PCDH7: variants seen among roughly 807,000 people sequenced by gnomAD.
PCDH7 encodes protocadherin-7.
In PCDH7, 17 loss-of-function variants were observed where a neutral mutation model predicts 58.9. That is an observed-to-expected ratio of 0.29 (90% CI 0.20 to 0.43). The LOEUF is 0.43. Ranked by LOEUF, PCDH7 falls within the 20% of genes least tolerant of loss-of-function variation. PCDH7 has a pLI of 1.00. For synonymous variants in PCDH7, 664 were observed against 616.4 expected (o/e 1.08, Z -1.14); for missense variants, 1,274 against 1,441.0 (o/e 0.88, Z 1.88).
intron 3 of PCDH7, among the ~76,000 whole-genome samples, chr4:30,975,235 A>T (rs919830800): frequency 6.6e-6 from 1 of 150,600 alleles, no homozygotes; most frequent in African/African-American, 2.4e-5. Context: ...GGAAGGTTTA[A>T]ATTTCAATGA....
chr4:31,023,654 T>A (rs1278673555), intron 3 of PCDH7, among the ~76,000 whole-genome samples: 1 of 152,196 alleles, frequency 6.6e-6, no homozygotes, highest in African/African-American at 2.4e-5. Context: ...GCTCTCCTAC[T>A]TTCATGTAAG....
In PCDH7 at chr4:30,758,110, G is replaced by A. The variant is rs544957508; in HGVS notation, c.70+33514G>A. On this transcript the variant is annotated intron_variant, in intron 1 of 3. Coordinates refer to the PCDH7 transcript ENST00000509759. ...GACAATGTAGGGAGTTCTGAGGACC[G>A]TGAGGGCTGCAATTAGCTATCAAGA... Among the ~76,000 whole-genome samples the A allele has an allele frequency of 1.2e-3, 190 of 152,276 alleles. 1 individual carries two copies. The highest frequency in any genetic ancestry group is 1.8e-3 in the Non-Finnish European group (122 of 68,016).
At chr4:31,070,875 A>G (rs529432518) in intron 3 of PCDH7, among the ~76,000 whole-genome samples, 1 of 152,242 alleles carries the variant, frequency 6.6e-6, no homozygotes, top group East Asian at 1.9e-4. Flanking sequence ...AAATATAGGT[A>G]TTTGTTAATG....
chr4:31,011,015 C>T (rs562683053), intron 3 of PCDH7, among the ~76,000 whole-genome samples: 13 of 152,048 alleles, frequency 8.5e-5, no homozygotes, highest in African/African-American at 3.1e-4. Context: ...CAATAGCAGA[C>T]TTCTTTCTTG....
At chr4:30,889,342 A>C (rs910911765) in intron 1 of PCDH7, among the ~76,000 whole-genome samples, 10 of 147,602 alleles carry the variant, frequency 6.8e-5, no homozygotes, top group Non-Finnish European at 1.4e-4. Flanking sequence ...TTACAAAAAT[A>C]ATAATAATAA....
At chr4:31,118,371 G>C (rs779632376) in intron 3 of PCDH7, among the ~76,000 whole-genome samples, 1 of 152,042 alleles carries the variant, frequency 6.6e-6, no homozygotes, top group Non-Finnish European at 1.5e-5. Flanking sequence ...TCTTCTTGTG[G>C]AATATTAAAC....
chr4:30,957,550 A>G (rs528705690), intron 3 of PCDH7, among the ~76,000 whole-genome samples: 1 of 152,254 alleles, frequency 6.6e-6, no homozygotes, highest in East Asian at 1.9e-4. Context: ...ATCTTTCTCT[A>G]TATTTATAAT....
At chr4:31,011,163 A>G (rs932617110) in intron 3 of PCDH7, among the ~76,000 whole-genome samples, 7 of 152,028 alleles carry the variant, frequency 4.6e-5, no homozygotes, top group African/African-American at 1.7e-4. Flanking sequence ...GGCAACCACA[A>G]GGTTACAGTT....
chr4:31,107,219 T>C (rs1417669991), intron 3 of PCDH7, among the ~76,000 whole-genome samples: 2 of 152,154 alleles, frequency 1.3e-5, no homozygotes, highest in Admixed American at 1.3e-4. Flanking sequence ...GATATACAAG[T>C]AATGACATGA....
chr4:30,752,882 C>T (rs1225220923), intron 1 of PCDH7, among the ~76,000 whole-genome samples: 1 of 151,126 alleles, frequency 6.6e-6, no homozygotes, highest in Non-Finnish European at 1.5e-5. Context: ...CCCACATATA[C>T]TGTAGATATT....
intron 3 of PCDH7, among the ~76,000 whole-genome samples, chr4:31,080,020 CT>C (rs1297252748): frequency 6.6e-6 from 1 of 152,114 alleles, no homozygotes; most frequent in East Asian, 1.9e-4. Context: ...CATAATTAAC[CT>C]TCTGACTGCC....
chr4:30,900,829 G>T (rs948963001), intron 1 of PCDH7, among the ~76,000 whole-genome samples: 1 of 152,074 alleles, frequency 6.6e-6, no homozygotes, highest in Non-Finnish European at 1.5e-5. Flanking sequence ...TGGAAATAAA[G>T]TCAGGAATGG....
At chr4:30,867,428 G>T (rs1578104321) in intron 1 of PCDH7, among the ~76,000 whole-genome samples, 1 of 152,034 alleles carries the variant, frequency 6.6e-6, no homozygotes, top group Admixed American at 6.6e-5. Context: ...ATACTTCAGG[G>T]CACCTAATAC....
intron 1 of PCDH7, among the ~76,000 whole-genome samples, chr4:30,849,640 G>C (rs929267835): frequency 2.0e-5 from 3 of 152,176 alleles, no homozygotes; most frequent in African/African-American, 7.2e-5. Flanking sequence ...CATTGTCTTT[G>C]TGTGTAAAAT....
chr4:30,723,544 T>G lies in PCDH7; in HGVS notation c.2122T>G (p.Tyr708Asp). The change falls in exon 1 of 2, where the codon TAC becomes GAC. Residue 708 changes from tyrosine (Y) to aspartate (D), a missense_variant. Coordinates refer to ENST00000361762, the Ensembl canonical transcript of PCDH7. This position sits in a 1 kb window ranked among gnomAD's most constrained non-coding sequence, Gnocchi z 4.6. Reference sequence around the variant, plus strand: ...TTTTGACCGGGAACATCAGACCACATACACTTTCAGAGTCAAGGCTGTGGA... The same window carrying G: ...TTTTGACCGGGAACATCAGACCACAGACACTTTCAGAGTCAAGGCTGTGGA... 1 of 1,614,148 alleles carries G rather than the reference T, an allele frequency of 6.2e-7. No homozygotes were observed. The highest frequency in any genetic ancestry group is 8.5e-7 in the Non-Finnish European group (1 of 1,180,020).
At chr4:30,962,537 A>G (rs1748542885) in intron 3 of PCDH7, among the ~76,000 whole-genome samples, 1 of 152,086 alleles carries the variant, frequency 6.6e-6, no homozygotes, top group Non-Finnish European at 1.5e-5. Flanking sequence ...TTATAATCCC[A>G]GCATTTTGGA....
intron 3 of PCDH7, among the ~76,000 whole-genome samples, chr4:31,004,150 A>G (rs1014796777): frequency 2.0e-5 from 3 of 152,108 alleles, no homozygotes; most frequent in Non-Finnish European, 4.4e-5. Flanking sequence ...TCCCATTGAT[A>G]AAAAACTGTT....
chr4:30,827,779 A>G (rs1159450393), intron 1 of PCDH7, among the ~76,000 whole-genome samples: 1 of 152,158 alleles, frequency 6.6e-6, no homozygotes, highest in Non-Finnish European at 1.5e-5. Flanking sequence ...CAAGAAACAT[A>G]CAATCTAGTA....
chr4:31,025,364 T>C (rs1027513198), intron 3 of PCDH7, among the ~76,000 whole-genome samples: 1 of 152,210 alleles, frequency 6.6e-6, no homozygotes, highest in Non-Finnish European at 1.5e-5. Flanking sequence ...AGTGACTTGT[T>C]TCTTATGTAG....
Sources: gnomAD v4.1 joint callset for allele counts (sites outside exome capture counted in the v4.1 genomes callset) on GRCh38, gnomAD v4.1.1 for gene constraint, Gnocchi (gnomAD v3.1) non-coding constraint, MANE v1.5 for transcripts, NCBI Gene and HGNC (gene_info 2026-07-23, HGNC 2026-07-21) for gene names.